KIF18B: variants seen among roughly 807,000 people sequenced by gnomAD.
KIF18B encodes kinesin-like protein KIF18B.
A neutral mutation model predicts 80.9 loss-of-function variants in KIF18B; 49 were observed. The ratio of observed to expected loss-of-function variants is 0.61; its 90% CI spans 0.48 to 0.77. The LOEUF is 0.77. Ranked by LOEUF, KIF18B falls within the 30% of genes least tolerant of loss-of-function variation. The pLI is 0.00. For synonymous variants in KIF18B, 439 were observed against 463.9 expected, an observed-to-expected ratio of 0.95 and a Z score of 0.69; for missense variants, 994 against 1,127.7, an observed-to-expected ratio of 0.88 and a Z score of 1.70.
At chr17:44,936,555 A>ACTCACTCTCT (rs1491497176) in intron 1 of KIF18B, among the ~76,000 whole-genome samples, 197 bp from the exon 2 acceptor site, 3 of 37,228 alleles carry the variant, frequency 8.1e-5, no homozygotes, top group African/African-American at 3.0e-4. Context: ...TACTCAAATG[A>ACTCACTCTCT]CTCTCTCTCT....
At chr17:44,937,555 A>T (rs1364521179) in intron 1 of KIF18B, among the ~76,000 whole-genome samples, 1 of 152,210 alleles carries the variant, frequency 6.6e-6, no homozygotes, top group African/African-American at 2.4e-5. Context: ...TTTCCAGCTG[A>T]TAATTACTAG....
intron 2 of KIF18B, among the ~76,000 whole-genome samples, chr17:44,935,821 G>T (rs899005129): frequency 3.9e-5 from 6 of 152,204 alleles, no homozygotes; most frequent in Non-Finnish European, 8.8e-5. Context: ...CTGATTTGCT[G>T]TTGCAGTCCT....
rs1464573875 is a variant in KIF18B, at chr17:44,925,977, A to G, written c.*103T>C. On this transcript the variant is annotated 3_prime_UTR_variant, in exon 16 of 16. Coordinates refer to ENST00000593135, the MANE Select transcript of KIF18B (RefSeq NM_001265577.2). ...GGCACTAATTGCTCCCAGGTAAGGA[A>G]GGCAGGTCCAGCTCCTGGTGCAGGT... 2 of 1,219,378 alleles carry G rather than the reference A, an allele frequency of 1.6e-6. No individual in the cohort carries two copies. The highest frequency in any genetic ancestry group is 3.0e-5 in the African/African-American group (2 of 66,434). 75.5% of individuals were successfully genotyped at this position (1,219,378 alleles called of 1,614,324 possible).
rs1012367154 is a variant in KIF18B, at chr17:44,927,889, G to A, written c.2276+137C>T. ...AGCTGTTGGGCCTGGGGAGCAAAGC[G>A]GATCACAACCAAAGTGGAACAGATA... On this transcript the variant is annotated intron_variant, in intron 13 of 15. Coordinates refer to ENST00000593135, the MANE Select transcript of KIF18B (RefSeq NM_001265577.2). The surrounding 1 kb of genome is among the most constrained non-coding windows in gnomAD (Gnocchi z 4.1). 1.4e-5 allele frequency: 11 copies of A among 771,186 alleles called. No homozygotes were observed. Among genetic ancestry groups the A allele is most frequent in the East Asian group, 9.2e-5 (3 of 32,482 alleles). The allele number at this position is 771,186 out of a possible 1,614,324, so 47.8% of individuals were successfully genotyped here.
intron 1 of KIF18B, among the ~76,000 whole-genome samples, chr17:44,945,738 C>G (rs1355719323): frequency 6.6e-6 from 1 of 151,628 alleles, no homozygotes; most frequent in Admixed American, 6.6e-5. Flanking sequence ...AACCCCATCC[C>G]GACTAAAAAT....
intron 1 of KIF18B, among the ~76,000 whole-genome samples, chr17:44,941,346 T>C (rs1181623965): frequency 3.3e-5 from 5 of 150,900 alleles, no homozygotes; most frequent in Non-Finnish European, 5.9e-5. Flanking sequence ...TTTTCTTTTT[T>C]TTTTTTTTTT....
chr17:44,929,107 A>C, intron 11 of KIF18B, 83 bp from the exon 12 acceptor site: 1 of 1,233,716 alleles, frequency 8.1e-7, no homozygotes, highest in Non-Finnish European at 1.2e-6. Flanking sequence ...TGTCCTCATC[A>C]CTCCAGCTGT....
intron 9 of KIF18B, 180 bp downstream of exon 9, chr17:44,932,493 A>T: frequency 1.0e-5 from 6 of 600,846 alleles, no homozygotes. Flanking sequence ...CCATTTACTC[A>T]TTGGACACAG....
Position 44,924,932 on chromosome 17 carries a change from G to C in KIF18B, c.*1148C>G, listed in dbSNP as rs971632687. On this transcript the variant is annotated 3_prime_UTR_variant, in exon 16 of 16. Coordinates refer to ENST00000593135, the MANE Select transcript of KIF18B (RefSeq NM_001265577.2). ...AAGCTGTCTTCATTTGGAAATCAAG[G>C]CACCATTATCATCCACATCTTCACC... The C allele has an allele frequency of 6.6e-6, 1 of 152,054 alleles. No individual in the cohort carries two copies. The highest frequency in any genetic ancestry group is 6.5e-5 in the Admixed American group (1 of 15,270). The allele number at this position is 152,054 out of a possible 1,614,324, so 9.4% of individuals were successfully genotyped here. A position where few individuals can be genotyped will look rare whatever the true frequency, so the allele number is the denominator to read the frequency against.
At position 44,933,097 on chromosome 17, in the gene KIF18B, C is replaced by A. The variant is rs2052194737; in HGVS notation, c.1063-111G>T. 3.2e-6 allele frequency: 3 copies of A among 925,194 alleles called. No homozygotes were observed. The African/African-American group carries it at 4.9e-5, about 15-fold the overall frequency. The allele number at this position is 925,194 out of a possible 1,614,324, so 57.3% of individuals were successfully genotyped here. On this transcript the variant is annotated intron_variant, in intron 7 of 15. Coordinates refer to ENST00000593135, the MANE Select transcript of KIF18B (RefSeq NM_001265577.2). ...GTCTCTCCCACGTCCCCATGACCCA[C>A]CCTCGCAAGTGGGGAGACACAGCAG... is the stretch of plus-strand genomic sequence containing the variant.
Position 44,926,078 on chromosome 17 carries a change from G to C in KIF18B, c.*2C>G, listed in dbSNP as rs1035179435. ...ACCTTGGTGGTCAGGACATTCTGGC[G>C]GTCAGGACACCTTGGTGACGCCGTT... On this transcript the variant is annotated 3_prime_UTR_variant, in exon 16 of 16. Transcript: ENST00000593135. The C allele has an allele frequency of 1.2e-6, 2 of 1,613,752 alleles. No homozygotes were observed. The highest frequency in any genetic ancestry group is 2.7e-5 in the African/African-American group (2 of 74,896).
In KIF18B at chr17:44,936,172, T is replaced by C. The variant is rs1317050667; in HGVS notation, c.173A>G (p.His58Arg). The C allele has an allele frequency of 1.9e-6, 3 of 1,613,286 alleles. No homozygotes were observed. Among genetic ancestry groups the C allele is most frequent in the African/African-American group, 2.7e-5 (2 of 75,052 alleles). ...GFPGLKWGGTHDGPKKKGKDL... is the reference protein window; with the variant it reads ...GFPGLKWGGTRDGPKKKGKDL... The stretch of plus-strand genomic sequence containing the variant: ...TTTGCCCTTCTTCTTGGGGCCATCA[T>C]GGGTGCCACCCCATTTCAGGCCAGG... Residue 58 changes from histidine (H) to arginine (R), a missense_variant, in exon 2 of 16, where the codon CAT (histidine) becomes CGT (arginine). By Grantham distance (29) the His-to-Arg change is conservative (BLOSUM62 0). Transcript: ENST00000593135.
chr17:44,927,141 T>C lies in KIF18B; in HGVS notation c.2277-63A>G. The C allele has an allele frequency of 7.8e-7, 1 of 1,281,716 alleles. No homozygotes were observed. Among genetic ancestry groups the C allele is most frequent in the Non-Finnish European group, 1.1e-6 (1 of 915,842 alleles). The allele number at this position is 1,281,716 out of a possible 1,614,324, so 79.4% of individuals were successfully genotyped here. On this transcript the variant is annotated intron_variant, in intron 13 of 15. Coordinates refer to ENST00000593135, the MANE Select transcript of KIF18B (RefSeq NM_001265577.2). This position sits in a 1 kb window ranked among gnomAD's most constrained non-coding sequence, Gnocchi z 4.1. ...GGAACCGGAAGCAAGGCCAGCCACT[T>C]CCTCCCTCCAGCCCCCAGCTCGGGC...
intron 1 of KIF18B, among the ~76,000 whole-genome samples, chr17:44,943,445 T>C (rs1399758621): frequency 6.6e-6 from 1 of 152,160 alleles, no homozygotes; most frequent in African/African-American, 2.4e-5. Flanking sequence ...TAATTGATGA[T>C]AGCGTTGTTA....
intron 1 of KIF18B, among the ~76,000 whole-genome samples, chr17:44,936,561 T>A (rs1263103114): frequency 0.086 from 2,821 of 32,750 alleles, 153 homozygotes; most frequent in African/African-American, 0.14. Context: ...AATGACTCTC[T>A]CTCTCTCTCT....
chr17:44,931,772 C>G, intron 10 of KIF18B, 43 bp from the exon 11 acceptor site: 1 of 1,601,004 alleles, frequency 6.2e-7, no homozygotes, highest in Non-Finnish European at 8.5e-7. Flanking sequence ...GCCAGGATGG[C>G]CTCCTCATCT....
rs772608829 is a variant in KIF18B at position 44,927,022 on chromosome 17, C to G, written c.2333G>C (p.Gly778Ala). 40 of 1,612,566 alleles carry G rather than the reference C, an allele frequency of 2.5e-5. No individual in the cohort carries two copies. Among genetic ancestry groups the G allele is most frequent in the Middle Eastern group, 3.3e-4 (2 of 6,078 alleles). The change falls in exon 14 of 16, where the codon GGG becomes GCG. Residue 778 changes from glycine to alanine, a missense_variant. Physicochemically the swap from Gly to Ala is moderately conservative, Grantham distance 60. Coordinates refer to ENST00000593135, the MANE Select transcript of KIF18B (RefSeq NM_001265577.2). The surrounding 1 kb of genome is among the most constrained non-coding windows in gnomAD (Gnocchi z 4.1). ...KGPKPTSSLP[G>A]TSACKKKRVA... is the part of the protein sequence containing the mutation. ...GCGCTTCTTCTTGCAGGCAGAGGTC[C>G]CAGGGAGGGAAGATGTTGGCTTGGG...
chr17:44,928,265 C>T lies in KIF18B; in HGVS notation c.2037G>A (p.Arg679=). The T allele has an allele frequency of 6.2e-7, 1 of 1,613,506 alleles. No homozygotes were observed. Among genetic ancestry groups the T allele is most frequent in the Non-Finnish European group, 8.5e-7 (1 of 1,179,784 alleles). The change falls in exon 13 of 16, where the codon AGG becomes AGA. Residue 679 remains arginine, a synonymous_variant. Transcript: ENST00000593135. ...GAGGGGAATGGCAGGGGGAGGAGGCCCTTTCTCCTTTGGGGGTGCTGGGCC... is the reference window on the plus strand; with the variant it reads ...GAGGGGAATGGCAGGGGGAGGAGGCTCTTTCTCCTTTGGGGGTGCTGGGCC... ...SQGPSTPKGE[R]ASSPCHSPRV...
intron 11 of KIF18B, among the ~76,000 whole-genome samples, chr17:44,929,729 T>C (rs1415437923): frequency 2.6e-5 from 4 of 152,208 alleles, no homozygotes; most frequent in Non-Finnish European, 5.9e-5. Flanking sequence ...TTATGTAAGA[T>C]AGGCTATGTT....
Sources: gnomAD v4.1 joint callset for allele counts (sites outside exome capture counted in the v4.1 genomes callset) on GRCh38, gnomAD v4.1.1 for gene constraint, Gnocchi (gnomAD v3.1) non-coding constraint, MANE v1.5 for transcripts, NCBI Gene and HGNC (gene_info 2026-07-23, HGNC 2026-07-21) for gene names.